The following ENOX1 variants were observed in gnomAD, a reference collection of about 807,000 sequenced individuals.
ENOX1 encodes the protein candidate growth-related and time keeping constitutive hydroquinone (NADH) oxidase.
Under a neutral mutation model 82.5 loss-of-function variants are expected in ENOX1, and 42 were observed. The observed-to-expected ratio is 0.51, with a 90% CI of 0.40 to 0.66. The LOEUF (loss-of-function observed/expected upper bound fraction) is 0.66. Among genes scored for constraint, ENOX1 ranks in the 30% least tolerant of loss-of-function variants. The pLI, the probability that ENOX1 is intolerant of heterozygous loss-of-function variation, is 0.00. For synonymous variants in ENOX1, 271 were observed against 282.2 expected, an observed-to-expected ratio of 0.96 and a Z score of 0.40; for missense variants, 608 against 811.6, an observed-to-expected ratio of 0.75 and a Z score of 3.05.
Position 43,298,334 on chromosome 13 carries a change from T to C in ENOX1, c.1446+12A>G. On this transcript the variant is annotated intron_variant, in intron 12 of 16. Transcript: ENST00000690772. Reference sequence around the variant, plus strand: ...TTCTCTCAAAAAAAAAAAAAAAATCTGGGCCAGGTACCTGCTGCATGCCTT... The same window carrying C: ...TTCTCTCAAAAAAAAAAAAAAAATCCGGGCCAGGTACCTGCTGCATGCCTT... 1 of 1,551,250 alleles carries C rather than the reference T, an allele frequency of 6.4e-7. No individual in the cohort carries two copies. Among genetic ancestry groups the C allele is most frequent in the Admixed American group, 2.1e-5 (1 of 47,272 alleles).
intron 2 of ENOX1, among the ~76,000 whole-genome samples, chr13:43,618,047 A>G (rs904390959): frequency 1.3e-5 from 2 of 152,012 alleles, no homozygotes; most frequent in African/African-American, 4.8e-5. Flanking sequence ...AGAATTGTCT[A>G]TTCATGTCCT....
chr13:43,284,036 A>G (rs2045554062), intron 12 of ENOX1, among the ~76,000 whole-genome samples: 1 of 152,152 alleles, frequency 6.6e-6, no homozygotes, highest in African/African-American at 2.4e-5. Context: ...AAAAAATACA[A>G]TACCACTCTT....
intron 16 of ENOX1, among the ~76,000 whole-genome samples, chr13:43,220,871 T>C (rs2041750468): frequency 6.6e-6 from 1 of 152,198 alleles, no homozygotes; most frequent in Non-Finnish European, 1.5e-5. Context: ...TCATAAACAC[T>C]ACTGAGAGCA....
chr13:43,576,310 G>T (rs936143286), intron 2 of ENOX1, among the ~76,000 whole-genome samples: 2 of 152,164 alleles, frequency 1.3e-5, no homozygotes, highest in African/African-American at 2.4e-5. Context: ...TCCACTTGCC[G>T]CTATTTTCTG....
Position 43,571,070 on chromosome 13 carries a change from A to T in ENOX1, c.-218-86918T>A, listed in dbSNP as rs1219203625. 3.9e-5 allele frequency among the ~76,000 whole-genome samples: 6 copies of T among 152,252 alleles called. No individual in the cohort carries two copies. The East Asian group carries it at 9.7e-4, about 25-fold the overall frequency. The stretch of plus-strand genomic sequence containing the variant: ...TTGAGTTTGGGAGAAGAAATTGAAC[A>T]TGACTAGCTCATTATCTTCCTCCCT... On this transcript the variant is annotated intron_variant, in intron 2 of 16. Coordinates refer to ENST00000690772, the MANE Select transcript of ENOX1 (RefSeq NM_001347969.2).
At chr13:43,392,455 G>A (rs1344571663) in intron 5 of ENOX1, among the ~76,000 whole-genome samples, 1 of 152,176 alleles carries the variant, frequency 6.6e-6, no homozygotes, top group Non-Finnish European at 1.5e-5. Flanking sequence ...GAGGCGGGTG[G>A]ATCCCCTGAG....
At chr13:43,703,923 G>A (rs1293741144) in intron 1 of ENOX1, among the ~76,000 whole-genome samples, 1 of 151,796 alleles carries the variant, frequency 6.6e-6, no homozygotes, top group Non-Finnish European at 1.5e-5. Context: ...ACAGGTTATT[G>A]TATCCCTTCC....
intron 2 of ENOX1, among the ~76,000 whole-genome samples, chr13:43,600,313 G>C (rs1202004723): frequency 3.3e-5 from 5 of 152,130 alleles, no homozygotes; most frequent in Non-Finnish European, 5.9e-5. Flanking sequence ...TGCCCTGAAG[G>C]GAGAGTTCTA....
chr13:43,754,309 A>ATG (rs1336759197), intron 1 of ENOX1, among the ~76,000 whole-genome samples: 1,735 of 140,606 alleles, frequency 0.012, 31 homozygotes, highest in African/African-American at 0.038. Context: ...GCGTGTATGT[A>ATG]TGTGTGTGTG....
At chr13:43,713,178 T>C (rs956007594) in intron 1 of ENOX1, among the ~76,000 whole-genome samples, 5 of 152,158 alleles carry the variant, frequency 3.3e-5, no homozygotes, top group Non-Finnish European at 5.9e-5. Flanking sequence ...AATTATGTGG[T>C]TTTTGTCTTT....
At chr13:43,473,343 A>G (rs1210860367) in intron 3 of ENOX1, among the ~76,000 whole-genome samples, 1 of 152,158 alleles carries the variant, frequency 6.6e-6, no homozygotes, top group Non-Finnish European at 1.5e-5. Context: ...TATTCCCTTA[A>G]CTTTTCTTTT....
At chr13:43,680,854 A>AT (rs1346968596) in intron 1 of ENOX1, among the ~76,000 whole-genome samples, 1 of 152,038 alleles carries the variant, frequency 6.6e-6, no homozygotes, top group Non-Finnish European at 1.5e-5. Context: ...CTGGAAAATT[A>AT]TTTTTCCAAC....
chr13:43,579,987 G>A (rs1273768305), intron 2 of ENOX1, among the ~76,000 whole-genome samples: 1 of 152,062 alleles, frequency 6.6e-6, no homozygotes, highest in Non-Finnish European at 1.5e-5. Context: ...GGGGTAGGGT[G>A]GTGAGGGCTG....
intron 14 of ENOX1, among the ~76,000 whole-genome samples, chr13:43,244,491 T>C (rs1030103662): frequency 9.9e-5 from 15 of 152,250 alleles, no homozygotes; most frequent in African/African-American, 3.6e-4. Flanking sequence ...ATTTTCTCTA[T>C]TTTTCTGTCA....
intron 14 of ENOX1, among the ~76,000 whole-genome samples, chr13:43,251,860 A>G (rs1406965508): frequency 6.6e-6 from 1 of 152,166 alleles, no homozygotes; most frequent in African/African-American, 2.4e-5. Flanking sequence ...CAAGGGGACT[A>G]GTTTGAATAC....
chr13:43,245,406 C>T (rs1269015877), intron 14 of ENOX1, among the ~76,000 whole-genome samples: 1 of 152,088 alleles, frequency 6.6e-6, no homozygotes, highest in Non-Finnish European at 1.5e-5. Flanking sequence ...TCCTTTATTT[C>T]TGATGCCAGT....
intron 1 of ENOX1, among the ~76,000 whole-genome samples, chr13:43,744,398 T>C (rs1949911607): frequency 6.6e-6 from 1 of 152,136 alleles, no homozygotes; most frequent in Admixed American, 6.6e-5. Flanking sequence ...GAGGAAGCTG[T>C]GCCTCTTAAC....
chr13:43,506,326 T>A (rs1939902357), intron 2 of ENOX1, among the ~76,000 whole-genome samples: 1 of 151,634 alleles, frequency 6.6e-6, no homozygotes, highest in Admixed American at 6.6e-5. Flanking sequence ...CATTAAAAAG[T>A]CAGGAAACAA....
intron 14 of ENOX1, among the ~76,000 whole-genome samples, chr13:43,264,461 ACAT>A (rs1377735949): frequency 1.3e-5 from 2 of 152,230 alleles, no homozygotes; most frequent in Non-Finnish European, 2.9e-5. Flanking sequence ...TCCTCAATAA[ACAT>A]CATATGTTAA....
Sources: allele counts gnomAD v4.1 joint callset (sites outside exome capture counted in the v4.1 genomes callset), GRCh38; gene constraint gnomAD v4.1.1; transcripts MANE v1.5; gene names NCBI Gene and HGNC (gene_info 2026-07-23, HGNC 2026-07-21).